KCNA6: variants seen among roughly 807,000 people sequenced by gnomAD.
The protein encoded by KCNA6 is potassium voltage-gated channel subfamily A member 6, also known as human brain potassium channel-2.
In KCNA6, 17 loss-of-function variants were observed where a neutral mutation model predicts 29.5. The observed-to-expected ratio is 0.58, with a 90% CI of 0.39 to 0.86. KCNA6 has a LOEUF of 0.86. Among genes scored for constraint, KCNA6 ranks in the 40% least tolerant of loss-of-function variants. The probability of loss-of-function intolerance (pLI) is 0.00; values close to 1 mark genes in which losing one functional copy is unlikely to be tolerated. For synonymous variants in KCNA6, 296 were observed against 304.7 expected, an observed-to-expected ratio of 0.97 and a Z score of 0.30; for missense variants, 450 against 703.4, an observed-to-expected ratio of 0.64 and a Z score of 4.07.
chr12:4,826,418 G>T, the KCNA6 span, among the ~76,000 whole-genome samples: 1 of 152,178 alleles, frequency 6.6e-6, no homozygotes. Context: ...CTCTTGTCCT[G>T]TTGTTGCCTT....
At chr12:4,818,569 C>T in the KCNA6 span, among the ~76,000 whole-genome samples, 4 of 152,108 alleles carry the variant, frequency 2.6e-5, no homozygotes, top group Non-Finnish European at 5.9e-5. Flanking sequence ...AGTAGGTAGG[C>T]TAGGCTTTGT....
At chr12:4,827,359 G>A in the KCNA6 span, among the ~76,000 whole-genome samples, 7 of 151,790 alleles carry the variant, frequency 4.6e-5, no homozygotes, top group African/African-American at 1.2e-4. Context: ...TTATTTCGGT[G>A]TTGCAAAATA....
exon 1 of KCNA6, chr12:4,812,520 G>A (rs1946642261): frequency 6.0e-6 from 1 of 167,132 alleles, no homozygotes; most frequent in Non-Finnish European, 1.5e-5. Context: ...CTGAAGCAAG[G>A]TGCCACTTAA....
At chr12:4,846,765 CTTTTT>C in the KCNA6 span, among the ~76,000 whole-genome samples, 1 of 100,594 alleles carries the variant, frequency 9.9e-6, no homozygotes, top group Non-Finnish European at 1.9e-5. Context: ...TGGAACACCT[CTTTTT>C]TTTTTTTTTT....
At chr12:4,836,495 C>T in the KCNA6 span, among the ~76,000 whole-genome samples, 7 of 152,058 alleles carry the variant, frequency 4.6e-5, no homozygotes, top group Admixed American at 1.3e-4. Flanking sequence ...AAATAAAATT[C>T]TTAATAAAAG....
chr12:4,846,212 A>G, the KCNA6 span, among the ~76,000 whole-genome samples: 1 of 152,150 alleles, frequency 6.6e-6, no homozygotes, highest in South Asian at 2.1e-4. Context: ...CAGACTTTGG[A>G]GCATTTTGGA....
Position 4,811,610 on chromosome 12 carries a change from A to G in KCNA6, c.1569A>G (p.Lys523=), listed in dbSNP as rs770297672. The G allele has an allele frequency of 1.2e-6, 2 of 1,613,986 alleles. No homozygotes were observed. Among genetic ancestry groups the G allele is most frequent in the South Asian group, 2.2e-5 (2 of 91,068 alleles). The change falls in exon 1 of 1, where the codon AAA becomes AAG. Residue 523 remains lysine, a synonymous_variant. Transcript: ENST00000280684. This position sits in a 1 kb window ranked among gnomAD's most constrained non-coding sequence, Gnocchi z 7.1. ...CACCACATCGGGCCTATGCAGAGAA[A>G]AGAATGCTCACGGAGGTCTGACCCA...
the KCNA6 span, among the ~76,000 whole-genome samples, chr12:4,830,728 G>A: frequency 1.3e-5 from 2 of 152,234 alleles, no homozygotes; most frequent in African/African-American, 2.4e-5. Flanking sequence ...GACTTCCTGT[G>A]TCAGAATCCT....
the KCNA6 span, chr12:4,850,600 C>G: frequency 3.1e-6 from 1 of 321,474 alleles, no homozygotes; most frequent in Non-Finnish European, 6.3e-6. This position sits in a 1 kb window ranked among gnomAD's most constrained non-coding sequence, Gnocchi z 5.4. Context: ...GATGGGGACT[C>G]GGTAGGAGCT....
chr12:4,817,532 C>T (rs908050890), downstream of KCNA6, among the ~76,000 whole-genome samples: 2 of 152,140 alleles, frequency 1.3e-5, no homozygotes, highest in Non-Finnish European at 2.9e-5. Flanking sequence ...ACCTGGTACC[C>T]TAAAGGGGGA....
chr12:4,810,688 C>T lies in KCNA6; in HGVS notation c.647C>T (p.Pro216Leu). The change falls in exon 1 of 1, where the codon CCA becomes CTA. Residue 216 changes from proline to leucine, a missense_variant. Physicochemically the swap from Pro to Leu is moderately conservative, Grantham distance 98. Coordinates refer to ENST00000280684, the Ensembl canonical transcript of KCNA6. The surrounding 1 kb of genome is among the most constrained non-coding windows in gnomAD (Gnocchi z 7.5). ...AATGGTGGTGTGAGTCGAGTCTCCC[C>T]AGTTTCCAGGGGGAGTCAGGAGGAA... 6.2e-7 allele frequency: 1 copy of T among 1,614,088 alleles called. No individual in the cohort carries two copies. Among genetic ancestry groups the T allele is most frequent in the Non-Finnish European group, 8.5e-7 (1 of 1,179,998 alleles).
chr12:4,811,011 G>C lies in KCNA6; in HGVS notation c.970G>C (p.Ala324Pro), dbSNP rs764613128. ...GGTGCAGCAGCAGGAGCAGCAACCA[G>C]CCAGTGGAGGAGGCGGCCAGAATGG... The change falls in exon 1 of 1, where the codon GCC becomes CCC. Residue 324 changes from alanine (A) to proline (P), a missense_variant. Physicochemically the swap from Ala to Pro is conservative, Grantham distance 27 (BLOSUM62 -1). This residue lies in a region of KCNA6 where 46 missense variants were observed against 80.2 expected (regional missense o/e 0.57). Transcript: ENST00000280684. The surrounding 1 kb of genome is among the most constrained non-coding windows in gnomAD (Gnocchi z 7.1). The C allele has an allele frequency of 1.7e-5, 28 of 1,614,132 alleles. No individual in the cohort carries two copies. Among genetic ancestry groups the C allele is most frequent in the African/African-American group, 4.0e-5 (3 of 74,948 alleles).
chr12:4,840,269 G>T, the KCNA6 span, among the ~76,000 whole-genome samples: 1 of 151,826 alleles, frequency 6.6e-6, no homozygotes, highest in African/African-American at 2.4e-5. Flanking sequence ...AGTGACGCTT[G>T]AGAGTGTCTG....
At chr12:4,823,233 TA>T in the KCNA6 span, among the ~76,000 whole-genome samples, 3 of 152,200 alleles carry the variant, frequency 2.0e-5, no homozygotes, top group African/African-American at 4.8e-5. Flanking sequence ...CTTTCACATT[TA>T]AAAAACTACA....
downstream of KCNA6, among the ~76,000 whole-genome samples, chr12:4,817,514 C>T (rs1366815770): frequency 1.3e-5 from 2 of 152,182 alleles, no homozygotes; most frequent in African/African-American, 4.8e-5. Context: ...TCCTCATCCC[C>T]TGGCTTCACC....
the KCNA6 span, among the ~76,000 whole-genome samples, chr12:4,821,292 T>C: frequency 6.6e-6 from 1 of 152,174 alleles, no homozygotes; most frequent in Non-Finnish European, 1.5e-5. Context: ...GGAAAATAGC[T>C]GTGTTCCCTG....
Position 4,810,884 on chromosome 12 carries a change from C to G in KCNA6, c.843C>G (p.Arg281=). 2 of 1,613,660 alleles carry G rather than the reference C, an allele frequency of 1.2e-6. No individual in the cohort carries two copies. Among genetic ancestry groups the G allele is most frequent in the Non-Finnish European group, 1.7e-6 (2 of 1,179,740 alleles). Residue 281 remains arginine (R), a synonymous_variant, in exon 1 of 1, where the codon CGC becomes CGG. Coordinates refer to ENST00000280684, the Ensembl canonical transcript of KCNA6. This position sits in a 1 kb window ranked among gnomAD's most constrained non-coding sequence, Gnocchi z 7.5. ...GGTTCACTTTTGAGCTCCTGGTGCG[C>G]TTCTCCGCCTGCCCTAGCAAGCCGG... is the stretch of plus-strand genomic sequence containing the variant.
the KCNA6 span, among the ~76,000 whole-genome samples, chr12:4,820,439 G>C: frequency 0.17 from 26,145 of 151,462 alleles, 2,315 homozygotes; most frequent in African/African-American, 0.2. Context: ...ATAATTTGCC[G>C]AAGATCACAC....
chr12:4,819,150 T>C, the KCNA6 span, among the ~76,000 whole-genome samples: 9 of 152,222 alleles, frequency 5.9e-5, no homozygotes, highest in Admixed American at 2.6e-4. Flanking sequence ...ATTCTATATG[T>C]GTGTAGCATA....
Sources: gnomAD v4.1 joint callset for allele counts (sites outside exome capture counted in the v4.1 genomes callset) on GRCh38, gnomAD v4.1.1 for gene constraint, gnomAD v4.1.1 regional missense constraint, Gnocchi (gnomAD v3.1) non-coding constraint, MANE v1.5 for transcripts, NCBI Gene and HGNC (gene_info 2026-07-23, HGNC 2026-07-21) for gene names.